The following RTEL1 variants were observed in gnomAD, a reference collection of about 807,000 sequenced individuals.
RTEL1 encodes regulator of telomere length.
In RTEL1, 86 loss-of-function variants were observed where a neutral mutation model predicts 162.2. That is an observed-to-expected ratio of 0.53 (90% CI 0.45 to 0.63). RTEL1 has a LOEUF of 0.63. RTEL1 is among the 30% of genes least tolerant of loss of function. The pLI, the probability that RTEL1 is intolerant of heterozygous loss-of-function variation, is 0.00. For synonymous variants in RTEL1, 958 were observed against 717.9 expected (o/e 1.33, Z -5.35); for missense variants, 1,941 against 1,750.2 (o/e 1.11, Z -1.95).
In RTEL1 at chr20:63,690,821, G is replaced by A. The variant is rs760225851; in HGVS notation, c.2430G>A (p.Gly810=). The A allele has an allele frequency of 1.9e-6, 3 of 1,604,800 alleles. No individual in the cohort carries two copies. The highest frequency in any genetic ancestry group is 2.5e-6 in the Non-Finnish European group (3 of 1,177,546). ...CCCCTGCAGGGTCACCAGCTGCCGG[G>A]GACCCCGAGAGTAGCCTGTGTGTGG... ...KQRSSGSPAA[G]DPESSLCVEY... The change falls in exon 27 of 35, where the codon GGG becomes GGA. Residue 810 remains glycine (G), a synonymous_variant. Transcript: ENST00000360203.
chr20:63,666,828 C>T (rs1347272907), intron 7 of RTEL1, among the ~76,000 whole-genome samples: 1 of 149,724 alleles, frequency 6.7e-6, no homozygotes, highest in African/African-American at 2.5e-5. Flanking sequence ...CCATGCCTGG[C>T]CAGCTCTTTT....
At chr20:63,662,111 C>T (rs542277662) in intron 4 of RTEL1, among the ~76,000 whole-genome samples, 168 bp downstream of exon 4, 1 of 152,324 alleles carries the variant, frequency 6.6e-6, no homozygotes, top group South Asian at 2.1e-4. Context: ...GCGGCCTGGG[C>T]TGCCTCCAAT....
chr20:63,671,219 C>A (rs2090234691), intron 8 of RTEL1, among the ~76,000 whole-genome samples: 1 of 151,978 alleles, frequency 6.6e-6, no homozygotes, highest in African/African-American at 2.4e-5. Context: ...CGCCACCACA[C>A]CCGGCTAATT....
rs1018919299 is a variant in RTEL1 at position 63,668,579 on chromosome 20, C to T, written c.699+1026C>T. On this transcript the variant is annotated intron_variant, in intron 8 of 34. Coordinates refer to ENST00000360203, the MANE Select transcript of RTEL1 (RefSeq NM_001283009.2). The surrounding 1 kb of genome is among the most constrained non-coding windows in gnomAD (Gnocchi z 4.3). ...GGTCTGAGGGGAGCCTCAGCAGGTGCAGCAGAGCAAGGGAAGAGGTGAGTG... is the reference window on the plus strand; with the variant it reads ...GGTCTGAGGGGAGCCTCAGCAGGTGTAGCAGAGCAAGGGAAGAGGTGAGTG... 1.3e-5 allele frequency among the ~76,000 whole-genome samples: 2 copies of T among 152,020 alleles called. No individual in the cohort carries two copies. Among genetic ancestry groups the T allele is most frequent in the Admixed American group, 1.3e-4 (2 of 15,258 alleles).
At chr20:63,688,410 C>T (rs771970925) in intron 20 of RTEL1, 24 bp downstream of exon 20, 25 of 1,327,014 alleles carry the variant, frequency 1.9e-5, no homozygotes, top group Admixed American at 3.4e-5. Flanking sequence ...GTGTTCTGGG[C>T]GGGGTGGGTG....
rs186879868 is a variant in RTEL1 at position 63,682,193 on chromosome 20, A to G, written c.1191+1474A>G. On this transcript the variant is annotated intron_variant, in intron 14 of 34. Transcript: ENST00000360203. ...AGAATGTGGCTTCTGAGGTTCCTAC[A>G]CTCGAACTGAATCCTGGAATGCGGC... is the stretch of plus-strand genomic sequence containing the variant. 4.5e-5 allele frequency: 44 copies of G among 985,188 alleles called. No individual in the cohort carries two copies. In the East Asian group the frequency reaches 1.7e-3, roughly 38 times the overall value. The allele number at this position is 985,188 out of a possible 1,614,324, so 61.0% of individuals were successfully genotyped here. A position where few individuals can be genotyped will look rare whatever the true frequency, so the allele number is the denominator to read the frequency against.
In RTEL1 at chr20:63,661,632, A is replaced by G; in HGVS notation, c.301+136A>G. ...TCAAGGAGAATTTTTTAGCTGCTGT[A>G]TAATTTCTCGCCATCGTGGGTGTAA... On this transcript the variant is annotated intron_variant, in intron 3 of 34. Coordinates refer to ENST00000360203, the MANE Select transcript of RTEL1 (RefSeq NM_001283009.2). This position sits in a 1 kb window ranked among gnomAD's most constrained non-coding sequence, Gnocchi z 5.1. 9.6e-7 allele frequency: 1 copy of G among 1,043,920 alleles called. No homozygotes were observed. Among genetic ancestry groups the G allele is most frequent in the South Asian group, 1.6e-5 (1 of 62,568 alleles). The allele number at this position is 1,043,920 out of a possible 1,614,324, so 64.7% of individuals were successfully genotyped here. A position where few individuals can be genotyped will look rare whatever the true frequency, so the allele number is the denominator to read the frequency against.
At chr20:63,665,961 T>C (rs2090117917) in intron 6 of RTEL1, 43 bp from the exon 7 acceptor site, 1 of 1,590,344 alleles carries the variant, frequency 6.3e-7, no homozygotes, top group African/African-American at 1.3e-5. Context: ...TGGGACTTAG[T>C]GGACCCTGAG....
At chr20:63,676,592 C>T (rs1192551943) in intron 10 of RTEL1, among the ~76,000 whole-genome samples, 1 of 152,184 alleles carries the variant, frequency 6.6e-6, no homozygotes, top group African/African-American at 2.4e-5. Flanking sequence ...CCACGCCCTG[C>T]ACCATATCAG....
chr20:63,685,442 C>CGA, intron 14 of RTEL1, 81 bp from the exon 15 acceptor site: 1 of 1,420,608 alleles, frequency 7.0e-7, no homozygotes, highest in Non-Finnish European at 9.7e-7. Flanking sequence ...TGTCCTGTGA[C>CGA]CTTCTGTGTA....
Position 63,695,238 on chromosome 20 carries a change from G to A in RTEL1, c.3499+17G>A. On this transcript the variant is annotated intron_variant, in intron 33 of 34. Transcript: ENST00000360203. ...CCCAACCAGGTAGGGCACCTGCCTG[G>A]CTGCTCCTGGCAGCGCCCCAACCGC... 2 of 1,609,526 alleles carry A rather than the reference G, an allele frequency of 1.2e-6. No individual in the cohort carries two copies. Among genetic ancestry groups the A allele is most frequent in the Non-Finnish European group, 1.7e-6 (2 of 1,178,214 alleles).
chr20:63,677,245 G>T (rs2090373674), intron 10 of RTEL1, among the ~76,000 whole-genome samples: 3 of 152,208 alleles, frequency 2.0e-5, no homozygotes. Context: ...CATGGTTACT[G>T]GGTTGGTCGT....
In RTEL1 at chr20:63,672,106, A is replaced by T. The variant is rs1023937589; in HGVS notation, c.700-450A>T. Among the ~76,000 whole-genome samples, 8 of 131,840 alleles carry T rather than the reference A, an allele frequency of 6.1e-5. No homozygotes were observed. The East Asian group carries it at 7.2e-4, about 12-fold the overall frequency. 86.5% of individuals were successfully genotyped at this position (131,840 alleles called of 152,430 possible). A position where few individuals can be genotyped will look rare whatever the true frequency, so the allele number is the denominator to read the frequency against. On this transcript the variant is annotated intron_variant, in intron 8 of 34. Coordinates refer to ENST00000360203, the MANE Select transcript of RTEL1 (RefSeq NM_001283009.2). ...ACCATGTTGGCCAGGCTGGTCTTGA[A>T]CTCCTGACCTCGTGATCCGCCCGCC...
At chr20:63,684,154 T>C (rs1277333918) in intron 14 of RTEL1, among the ~76,000 whole-genome samples, 1 of 152,170 alleles carries the variant, frequency 6.6e-6, no homozygotes, top group African/African-American at 2.4e-5. Flanking sequence ...TGTCTGGGCC[T>C]CCATGCCTTC....
chr20:63,663,946 G>A (rs990528100), intron 6 of RTEL1, among the ~76,000 whole-genome samples: 1 of 152,218 alleles, frequency 6.6e-6, no homozygotes, highest in East Asian at 1.9e-4. Context: ...TGGAGGGACA[G>A]GGTGGGCGGA....
rs755010352 is a variant in RTEL1 at position 63,674,057 on chromosome 20, C to A, written c.883C>A (p.Pro295Thr). Reference protein sequence around the residue: ...EQTKAAQQGEPHPEFSADSPS... With the variant: ...EQTKAAQQGETHPEFSADSPS... ...GACCAAGGCAGCGCAGCAGGGTGAG[C>A]CCCACCCGGAGTTCAGCGCGGACTC... The change falls in exon 10 of 35, where the codon CCC becomes ACC. Residue 295 changes from proline (P) to threonine (T), a missense_variant. Physicochemically the swap from Pro to Thr is conservative, Grantham distance 38. Coordinates refer to ENST00000360203, the MANE Select transcript of RTEL1 (RefSeq NM_001283009.2). The A allele has an allele frequency of 6.2e-6, 10 of 1,613,514 alleles. No individual in the cohort carries two copies. Among genetic ancestry groups the A allele is most frequent in the Non-Finnish European group, 6.8e-6 (8 of 1,179,906 alleles).
At chr20:63,690,505 A>C in intron 26 of RTEL1, 64 bp downstream of exon 26, 1 of 1,396,962 alleles carries the variant, frequency 7.2e-7, no homozygotes. Context: ...TGGGGCGGGC[A>C]GCACCAGGCG....
chr20:63,661,415 G>A lies in RTEL1; in HGVS notation c.220G>A (p.Glu74Lys), dbSNP rs140042227. The A allele has an allele frequency of 2.0e-5, 32 of 1,613,908 alleles. No individual in the cohort carries two copies. Among genetic ancestry groups the A allele is most frequent in the Admixed American group, 3.3e-5 (2 of 60,014 alleles). Residue 74 changes from glutamate to lysine, a missense_variant, in exon 3 of 35, where the codon GAG becomes AAG. Glu to Lys is a moderately conservative substitution (Grantham distance 56). Transcript: ENST00000360203. The surrounding 1 kb of genome is among the most constrained non-coding windows in gnomAD (Gnocchi z 5.1). ...CGGCATCTCTGCCCGCAAGATTGCC[G>A]AGAGGGCGCAAGGAGAGCTTTTCCC... ...RDGISARKIA[E>K]RAQGELFPDR...
At chr20:63,675,950 CTT>C (rs2090341137) in intron 10 of RTEL1, among the ~76,000 whole-genome samples, 1 of 152,246 alleles carries the variant, frequency 6.6e-6, no homozygotes, top group Non-Finnish European at 1.5e-5. Flanking sequence ...CTTCTCCACT[CTT>C]CAGTTTTGTT....
Sources: gnomAD v4.1 joint callset for allele counts (sites outside exome capture counted in the v4.1 genomes callset) on GRCh38, gnomAD v4.1.1 for gene constraint, Gnocchi (gnomAD v3.1) non-coding constraint, MANE v1.5 for transcripts, NCBI Gene and HGNC (gene_info 2026-07-23, HGNC 2026-07-21) for gene names.